Variants in KCNAB1 observed in about 807,000 individuals in gnomAD.
The protein encoded by KCNAB1 is potassium voltage-gated channel subfamily A regulatory beta subunit 1.
In KCNAB1, 35 loss-of-function variants were observed where a neutral mutation model predicts 64.6. That is an observed-to-expected ratio of 0.54 (90% CI 0.41 to 0.72). The LOEUF (loss-of-function observed/expected upper bound fraction) is 0.72. Ranked by LOEUF, KCNAB1 falls within the 30% of genes least tolerant of loss-of-function variation. KCNAB1 has a pLI of 0.00. For missense variants in KCNAB1, 401 were observed against 512.9 expected (o/e 0.78, Z 2.11); for synonymous variants, 177 against 183.8 (o/e 0.96, Z 0.30).
At chr3:156,475,155 G>A (rs972980463) in intron 8 of KCNAB1, among the ~76,000 whole-genome samples, 3 of 152,108 alleles carry the variant, frequency 2.0e-5, no homozygotes, top group Non-Finnish European at 4.4e-5. Context: ...AGCCATCATC[G>A]CGTCACAGTA....
intron 10 of KCNAB1, among the ~76,000 whole-genome samples, chr3:156,515,588 T>A (rs750977173): frequency 1.3e-5 from 2 of 152,210 alleles, no homozygotes; most frequent in Admixed American, 6.5e-5. Context: ...AAATCATGGA[T>A]ATATACATCT....
At chr3:156,438,675 T>C (rs1315197855) in intron 2 of KCNAB1, among the ~76,000 whole-genome samples, 1 of 152,242 alleles carries the variant, frequency 6.6e-6, no homozygotes, top group Non-Finnish European at 1.5e-5. Flanking sequence ...TCTAGTACTA[T>C]TGTCTAGTAC....
intron 1 of KCNAB1, among the ~76,000 whole-genome samples, chr3:156,289,095 C>T (rs1720251458): frequency 6.6e-6 from 1 of 152,208 alleles, no homozygotes; most frequent in South Asian, 2.1e-4. Context: ...ATAACCTACT[C>T]CCTGTTCTGC....
chr3:156,369,006 T>TA (rs549186118), intron 1 of KCNAB1, among the ~76,000 whole-genome samples: 60 of 148,150 alleles, frequency 4.0e-4, no homozygotes, highest in African/African-American at 1.2e-3. Context: ...TACAACTTGT[T>TA]AGTTTTTCAT....
intron 1 of KCNAB1, among the ~76,000 whole-genome samples, chr3:156,231,652 T>C (rs1716539484): frequency 6.6e-6 from 1 of 151,834 alleles, no homozygotes. Flanking sequence ...CTCTCTGAAG[T>C]CCGCTACCTA....
intron 8 of KCNAB1, among the ~76,000 whole-genome samples, chr3:156,505,614 A>G (rs1035695110): frequency 2.6e-5 from 4 of 152,052 alleles, no homozygotes; most frequent in African/African-American, 9.7e-5. Context: ...GAGATTTTTT[A>G]CCTTCTTAAA....
intron 1 of KCNAB1, among the ~76,000 whole-genome samples, chr3:156,152,188 C>T (rs73028526): frequency 0.017 from 2,598 of 152,298 alleles, 86 homozygotes; most frequent in African/African-American, 0.06. Flanking sequence ...CTACATAAAT[C>T]CGGTCCCCTG....
intron 2 of KCNAB1, among the ~76,000 whole-genome samples, chr3:156,434,511 G>A (rs1022573920): frequency 1.3e-4 from 20 of 151,920 alleles, no homozygotes; most frequent in Non-Finnish European, 2.5e-4. Context: ...ATATTTAAAA[G>A]CATAAAATAA....
intron 1 of KCNAB1, among the ~76,000 whole-genome samples, chr3:156,274,360 A>G (rs1234080001): frequency 2.6e-5 from 4 of 152,238 alleles, no homozygotes; most frequent in African/African-American, 7.2e-5. Flanking sequence ...ACACATGGTT[A>G]AGAGAAATTA....
chr3:156,493,622 C>T (rs1317193838), intron 8 of KCNAB1, among the ~76,000 whole-genome samples: 1 of 152,054 alleles, frequency 6.6e-6, no homozygotes, highest in Non-Finnish European at 1.5e-5. Context: ...ATTCATGTTT[C>T]TCCAGCTGCC....
intron 1 of KCNAB1, among the ~76,000 whole-genome samples, chr3:156,351,411 C>T (rs374400988): frequency 2.0e-5 from 3 of 152,250 alleles, no homozygotes; most frequent in African/African-American, 4.8e-5. Flanking sequence ...CTGCCTGGCA[C>T]GCTGGGCTCC....
At chr3:156,177,741 G>A (rs887984293) in intron 1 of KCNAB1, among the ~76,000 whole-genome samples, 2 of 150,190 alleles carry the variant, frequency 1.3e-5, no homozygotes, top group Non-Finnish European at 3.0e-5. Context: ...ATGTACACAG[G>A]CATGCATATC....
At chr3:156,443,605 G>A (rs776824251) in intron 2 of KCNAB1, among the ~76,000 whole-genome samples, 1 of 152,172 alleles carries the variant, frequency 6.6e-6, no homozygotes, top group Non-Finnish European at 1.5e-5. Flanking sequence ...CACCGAAGGA[G>A]CTAGGAAAGC....
At chr3:156,531,376 T>C in intron 12 of KCNAB1, 33 bp from the exon 13 acceptor site, 2 of 1,511,892 alleles carry the variant, frequency 1.3e-6, no homozygotes, top group Non-Finnish European at 1.8e-6. Context: ...TGGAAGTGCT[T>C]TGATAAACTG....
chr3:156,358,449 C>T (rs1001379809), intron 1 of KCNAB1, among the ~76,000 whole-genome samples: 17 of 152,166 alleles, frequency 1.1e-4, no homozygotes, highest in Admixed American at 1.0e-3. Context: ...CAGAGGAAAC[C>T]TGCTCGCTCA....
At chr3:156,216,726 T>C (rs1453553491) in intron 1 of KCNAB1, among the ~76,000 whole-genome samples, 1 of 152,190 alleles carries the variant, frequency 6.6e-6, no homozygotes, top group Non-Finnish European at 1.5e-5. Flanking sequence ...TTTTCTCCTT[T>C]AAATTCCCCT....
At chr3:156,290,253 C>G (rs1477923708) in intron 1 of KCNAB1, among the ~76,000 whole-genome samples, 1 of 152,212 alleles carries the variant, frequency 6.6e-6, no homozygotes. Flanking sequence ...ATGGCCTGCT[C>G]CTTGAGGAGG....
Position 156,122,274 on chromosome 3 carries a change from C to T in KCNAB1, c.275+1388C>T, listed in dbSNP as rs114773666. On this transcript the variant is annotated intron_variant, in intron 1 of 13. Coordinates refer to ENST00000490337, the MANE Select transcript of KCNAB1 (RefSeq NM_172160.3). ...TATTACATATCTCACATCTACAAAT[C>T]TTAAAGCTATTATTAAAGATCCTCT... is the stretch of plus-strand genomic sequence containing the variant. 3.3e-3 allele frequency among the ~76,000 whole-genome samples: 503 copies of T among 152,280 alleles called. 1 individual carries two copies. Among genetic ancestry groups the T allele is most frequent in the Non-Finnish European group, 3.6e-3 (242 of 68,022 alleles).
At chr3:156,205,648 C>T (rs531286572) in intron 1 of KCNAB1, among the ~76,000 whole-genome samples, 29 of 152,262 alleles carry the variant, frequency 1.9e-4, no homozygotes, top group South Asian at 6.2e-4. Context: ...CTAAACTACC[C>T]GCTCCTTCCT....
Sources: gnomAD v4.1 joint callset for allele counts (sites outside exome capture counted in the v4.1 genomes callset) on GRCh38, gnomAD v4.1.1 for gene constraint, MANE v1.5 for transcripts, NCBI Gene and HGNC (gene_info 2026-07-23, HGNC 2026-07-21) for gene names.